The following DNMT3A variants were observed in gnomAD, a reference collection of about 807,000 sequenced individuals.
The protein encoded by DNMT3A is DNA (cytosine-5)-methyltransferase 3A.
In DNMT3A, 267 loss-of-function variants were observed where a neutral mutation model predicts 117.6. That is an observed-to-expected ratio of 2.27 (90% CI 2.05 to 2.51). DNMT3A has a LOEUF of 2.51. Ranked by LOEUF, DNMT3A falls within the 30% of genes most tolerant of loss-of-function variation. DNMT3A has a pLI of 0.00. For missense variants in DNMT3A, 1,029 were observed against 1,260.2 expected (o/e 0.82, Z 2.78); for synonymous variants, 432 against 474.8 (o/e 0.91, Z 1.17).
chr2:25,329,579 C>T (rs1486063117), intron 1 of DNMT3A, among the ~76,000 whole-genome samples: 1 of 151,874 alleles, frequency 6.6e-6, no homozygotes, highest in Non-Finnish European at 1.5e-5. Context: ...AAGTCTCCAG[C>T]CCAGGCCCCG....
At chr2:25,248,520 T>C (rs1220755023) in intron 6 of DNMT3A, among the ~76,000 whole-genome samples, 4 of 152,184 alleles carry the variant, frequency 2.6e-5, no homozygotes, top group Non-Finnish European at 5.9e-5. Context: ...AGCATATCGG[T>C]TGCCTACCCT....
In DNMT3A at chr2:25,240,455, G is replaced by A. The variant is rs1315980630; in HGVS notation, c.2174-5C>T. On this transcript the variant is annotated splice_polypyrimidine_tract_variant and splice_region_variant and intron_variant, in intron 18 of 22. Coordinates refer to ENST00000321117, the MANE Select transcript of DNMT3A (RefSeq NM_022552.5). ...AGAAGAGCCGGCCAGTGCCCTCTGA[G>A]AGGTCGGAAGAGAAAGCCATCAGCT... 2 of 1,599,696 alleles carry A rather than the reference G, an allele frequency of 1.3e-6. No individual in the cohort carries two copies. The highest frequency in any genetic ancestry group is 1.7e-6 in the Non-Finnish European group (2 of 1,173,074).
chr2:25,287,253 G>T (rs2032378617), intron 3 of DNMT3A, among the ~76,000 whole-genome samples: 2 of 152,034 alleles, frequency 1.3e-5, no homozygotes, highest in African/African-American at 4.8e-5. Context: ...AGCAGGTGCA[G>T]CTGCAGGTGA....
chr2:25,326,884 C>T (rs1414037884), intron 1 of DNMT3A, among the ~76,000 whole-genome samples: 3 of 152,254 alleles, frequency 2.0e-5, no homozygotes, highest in African/African-American at 7.2e-5. Context: ...CTTCTCCCAG[C>T]ACTCCCCTGG....
chr2:25,331,439 C>T (rs141571080), intron 1 of DNMT3A, among the ~76,000 whole-genome samples: 1 of 152,332 alleles, frequency 6.6e-6, no homozygotes, highest in East Asian at 1.9e-4. Context: ...CTTGTCCCTC[C>T]TATCTCTCTC....
At position 25,233,897 on chromosome 2, in the gene DNMT3A, T is replaced by C; in HGVS notation, c.*382A>G. 1 of 239,064 alleles carries C rather than the reference T, an allele frequency of 4.2e-6. No homozygotes were observed. Among genetic ancestry groups the C allele is most frequent in the East Asian group, 5.9e-5 (1 of 16,860 alleles). 14.8% of individuals were successfully genotyped at this position (239,064 alleles called of 1,614,324 possible). ...AGGTATTGTTACTATTTTTTGTTAC[T>C]GATTTTTGCTGCAATAACCTTCTTG... On this transcript the variant is annotated 3_prime_UTR_variant, in exon 23 of 23. Transcript: ENST00000321117.
chr2:25,300,064 A>T (rs540046175), intron 3 of DNMT3A, 75 bp downstream of exon 3: 1 of 1,488,416 alleles, frequency 6.7e-7, no homozygotes, highest in Non-Finnish European at 9.1e-7. Context: ...CAGGACATAC[A>T]TCACTGCCAT....
In DNMT3A at chr2:25,243,977, A is replaced by G; in HGVS notation, c.1857T>C (p.Pro619=). The G allele has an allele frequency of 6.4e-7, 1 of 1,554,342 alleles. No homozygotes were observed. Among genetic ancestry groups the G allele is most frequent in the South Asian group, 1.2e-5 (1 of 84,326 alleles). ...FANNHDQEFD[P]PKVYPPVPAE... ...CTGGGACAGGTGGGTAAACCTTTGG[A>G]GGGTCCTAAGCAGTGAGCACAACAG... Residue 619 remains proline, a synonymous_variant, in exon 16 of 23, where the codon CCT becomes CCC. Transcript: ENST00000321117.
At chr2:25,297,306 C>T (rs2033148424) in intron 3 of DNMT3A, among the ~76,000 whole-genome samples, 3 of 152,138 alleles carry the variant, frequency 2.0e-5, no homozygotes, top group Admixed American at 1.3e-4. Context: ...CTGGGCCTCT[C>T]CTGAGAGGCC....
chr2:25,245,007 C>G (rs1006997552), intron 13 of DNMT3A, among the ~76,000 whole-genome samples: 3 of 152,240 alleles, frequency 2.0e-5, no homozygotes, highest in South Asian at 2.1e-4. Context: ...ATCCCCACAT[C>G]TGGGGACTAA....
At chr2:25,342,273 C>A (rs1478904333), upstream of DNMT3A, among the ~76,000 whole-genome samples, 1 of 149,846 alleles carries the variant, frequency 6.7e-6, no homozygotes, top group Non-Finnish European at 1.5e-5. The surrounding 1 kb of genome is among the most constrained non-coding windows in gnomAD (Gnocchi z 5.9). Flanking sequence ...GGTCCCCGCA[C>A]GCCGCTTGGC....
chr2:25,291,585 G>A (rs982299024), intron 3 of DNMT3A, among the ~76,000 whole-genome samples: 1 of 152,196 alleles, frequency 6.6e-6, no homozygotes, highest in Non-Finnish European at 1.5e-5. Context: ...CAGGGATGGC[G>A]GGACCAGAGG....
At chr2:25,333,118 G>A (rs2035075540) in intron 1 of DNMT3A, among the ~76,000 whole-genome samples, 1 of 152,196 alleles carries the variant, frequency 6.6e-6, no homozygotes, top group Admixed American at 6.5e-5. Context: ...AAGAGAAAAA[G>A]GGACAACTTA....
At chr2:25,261,091 C>T (rs1434617849) in intron 6 of DNMT3A, among the ~76,000 whole-genome samples, 1 of 151,742 alleles carries the variant, frequency 6.6e-6, no homozygotes, top group Admixed American at 6.6e-5. Flanking sequence ...GTCAGGAGTT[C>T]GAGACCAGCC....
chr2:25,308,625 T>A (rs553664990), intron 2 of DNMT3A, among the ~76,000 whole-genome samples: 295 of 151,202 alleles, frequency 2.0e-3, no homozygotes, highest in African/African-American at 7.0e-3. Flanking sequence ...GAGGTGAGGG[T>A]GCAGCGGCTT....
chr2:25,239,051 C>A, intron 20 of DNMT3A, 79 bp downstream of exon 20: 20 of 1,330,522 alleles, frequency 1.5e-5, no homozygotes, highest in Non-Finnish European at 2.0e-5. Flanking sequence ...GAGGGCCCGG[C>A]TCAGGGGCTT....
At chr2:25,338,268 A>C (rs991343983) in intron 1 of DNMT3A, among the ~76,000 whole-genome samples, 1 of 152,188 alleles carries the variant, frequency 6.6e-6, no homozygotes, top group African/African-American at 2.4e-5. Context: ...GAGCTCTCAG[A>C]GCTTAAACTC....
At chr2:25,340,371 G>C (rs898339890) in intron 1 of DNMT3A, among the ~76,000 whole-genome samples, 34 of 152,192 alleles carry the variant, frequency 2.2e-4, no homozygotes, top group Non-Finnish European at 3.8e-4. Context: ...GAGGGGCGCT[G>C]GGGTGGGAGA....
At chr2:25,270,487 G>A (rs367812007) in intron 6 of DNMT3A, among the ~76,000 whole-genome samples, 24 of 152,228 alleles carry the variant, frequency 1.6e-4, no homozygotes, top group African/African-American at 4.1e-4. Context: ...GGTTGCAGGC[G>A]TTGCATTCTG....
Sources: allele counts gnomAD v4.1 joint callset (sites outside exome capture counted in the v4.1 genomes callset), GRCh38; gene constraint gnomAD v4.1.1; non-coding constraint Gnocchi (gnomAD v3.1); transcripts MANE v1.5; gene names NCBI Gene and HGNC (gene_info 2026-07-23, HGNC 2026-07-21).